FBXO33: variants seen among roughly 807,000 people sequenced by gnomAD.
FBXO33 encodes the protein F-box protein 33.
FBXO33 carries 22 observed loss-of-function variants against 46.3 expected under a neutral mutation model. That is an observed-to-expected ratio of 0.48 (90% confidence interval 0.34 to 0.68). FBXO33 has a LOEUF of 0.68. Ranked by LOEUF, FBXO33 falls within the 30% of genes least tolerant of loss-of-function variation. The pLI, the probability that FBXO33 is intolerant of heterozygous loss-of-function variation, is 0.01. For synonymous variants in FBXO33, 337 were observed against 291.3 expected (o/e 1.16, Z -1.60); for missense variants, 692 against 708.8 (o/e 0.98, Z 0.27).
At chr14:39,400,643 C>A (rs1419503457) in intron 3 of FBXO33, among the ~76,000 whole-genome samples, 1 of 152,034 alleles carries the variant, frequency 6.6e-6, no homozygotes. Flanking sequence ...AATTATCTTA[C>A]AAGTATCCGA....
At chr14:39,418,140 TG>T (rs943365267) in intron 1 of FBXO33, among the ~76,000 whole-genome samples, 1 of 151,838 alleles carries the variant, frequency 6.6e-6, no homozygotes, top group African/African-American at 2.4e-5. Flanking sequence ...CTCTGCTCAC[TG>T]CAAGCTCCGC....
chr14:39,431,887 C>G lies in FBXO33; in HGVS notation c.276G>C (p.Ser92=), dbSNP rs749826202. 395 of 1,563,762 alleles carry G rather than the reference C, an allele frequency of 2.5e-4. No homozygotes were observed. Among genetic ancestry groups the G allele is most frequent in the Middle Eastern group, 3.5e-4 (2 of 5,790 alleles). The part of the protein sequence containing the change: ...FLPAPDRLRA[S]ASCSHWRECL... Reference sequence around the variant, plus strand: ...ACTCACGCCAGTGCGAGCAGGAGGCCGAGGCCCGCAGCCGGTCGGGCGCCG... The same window carrying G: ...ACTCACGCCAGTGCGAGCAGGAGGCGGAGGCCCGCAGCCGGTCGGGCGCCG... Residue 92 remains serine, a synonymous_variant, in exon 1 of 4, where the codon TCG becomes TCC. Transcript: ENST00000298097.
chr14:39,401,854 G>A lies in FBXO33; in HGVS notation c.718C>T (p.Gln240Ter). ...PDGKKIKQIQQLFEEILSNSR... is the reference protein window; with the variant it reads ...PDGKKIKQIQ ...TTACTCAGGATTTCTTCAAACAGTT[G>A]CTGAATTCTATAAGGAAAACACATG... The change falls in exon 3 of 4, where the codon CAA (glutamine) becomes TAA (stop). Residue 240 changes from glutamine (Q) to a stop codon, truncating the protein, a stop_gained. Coordinates refer to ENST00000298097, the MANE Select transcript of FBXO33 (RefSeq NM_203301.4). LOFTEE classifies it high-confidence loss of function. 6.2e-7 allele frequency: 1 copy of A among 1,608,696 alleles called. No individual in the cohort carries two copies. The highest frequency in any genetic ancestry group is 2.2e-5 in the East Asian group (1 of 44,856).
intron 1 of FBXO33, among the ~76,000 whole-genome samples, chr14:39,416,062 C>T (rs754986254): frequency 2.4e-4 from 37 of 152,180 alleles, no homozygotes; most frequent in Admixed American, 4.6e-4. Flanking sequence ...TATATATTCA[C>T]TAGTGAGTTT....
intron 1 of FBXO33, among the ~76,000 whole-genome samples, chr14:39,410,676 G>C (rs2139407969): frequency 6.6e-6 from 1 of 152,148 alleles, no homozygotes; most frequent in African/African-American, 2.4e-5. Flanking sequence ...TTTGGGGGAA[G>C]GTTTTTAATA....
intron 1 of FBXO33, among the ~76,000 whole-genome samples, chr14:39,406,192 A>C (rs1361425276): frequency 6.6e-6 from 1 of 152,152 alleles, no homozygotes; most frequent in African/African-American, 2.4e-5. Flanking sequence ...AAAAAAAATT[A>C]AAGGCTTCTA....
At chr14:39,406,883 G>T (rs2075401356) in intron 1 of FBXO33, among the ~76,000 whole-genome samples, 1 of 152,086 alleles carries the variant, frequency 6.6e-6, no homozygotes, top group Non-Finnish European at 1.5e-5. Flanking sequence ...AGGATTTAGG[G>T]AAAGAACTTA....
Position 39,408,099 on chromosome 14 carries a change from C to T in FBXO33, c.600-5588G>A, listed in dbSNP as rs529051316. 4.6e-5 allele frequency among the ~76,000 whole-genome samples: 7 copies of T among 152,262 alleles called. No homozygotes were observed. The East Asian group carries it at 1.2e-3, about 25-fold the overall frequency. On this transcript the variant is annotated intron_variant, in intron 1 of 3. Transcript: ENST00000298097. ...GGGACTACAGGTGTGCGCCACCATG[C>T]CTGGCTAACTTTTTTTGTATTTTTT...
At chr14:39,416,696 C>T (rs2075450321) in intron 1 of FBXO33, among the ~76,000 whole-genome samples, 1 of 151,904 alleles carries the variant, frequency 6.6e-6, no homozygotes. Flanking sequence ...TTATTGTTTC[C>T]CTTTGTTAAT....
intron 1 of FBXO33, among the ~76,000 whole-genome samples, chr14:39,416,493 T>C (rs2075449379): frequency 6.6e-6 from 1 of 152,178 alleles, no homozygotes; most frequent in Non-Finnish European, 1.5e-5. Flanking sequence ...ATTCCTTATC[T>C]TTGCTTGATT....
intron 1 of FBXO33, among the ~76,000 whole-genome samples, chr14:39,424,966 C>T (rs1238037010): frequency 1.3e-5 from 2 of 151,998 alleles, no homozygotes; most frequent in African/African-American, 2.4e-5. Context: ...GCAGGAGAAT[C>T]GCTTCCACCT....
chr14:39,429,164 T>C (rs2075531053), intron 1 of FBXO33, among the ~76,000 whole-genome samples: 2 of 152,210 alleles, frequency 1.3e-5, no homozygotes, highest in South Asian at 2.1e-4. Context: ...AAGTTTATAC[T>C]TTTAATTATT....
At chr14:39,405,749 C>A (rs1054878613) in intron 1 of FBXO33, among the ~76,000 whole-genome samples, 1 of 151,160 alleles carries the variant, frequency 6.6e-6, no homozygotes, top group Non-Finnish European at 1.5e-5. Flanking sequence ...TATAAAATCA[C>A]CCCACATAAG....
In FBXO33 at chr14:39,399,416, T is replaced by C. The variant is rs1462443740; in HGVS notation, c.*100A>G. 2.3e-5 allele frequency: 25 copies of C among 1,065,536 alleles called. No individual in the cohort carries two copies. In the Middle Eastern group the frequency reaches 1.8e-3, roughly 76 times the overall value. The allele number at this position is 1,065,536 out of a possible 1,614,324, so 66.0% of individuals were successfully genotyped here. On this transcript the variant is annotated 3_prime_UTR_variant, in exon 4 of 4. Coordinates refer to ENST00000298097, the MANE Select transcript of FBXO33 (RefSeq NM_203301.4). Reference sequence around the variant, plus strand: ...TATAATTCTATAAAGCTAATACTGATTAAACACAGCACAAAAGGATTAATT... The same window carrying C: ...TATAATTCTATAAAGCTAATACTGACTAAACACAGCACAAAAGGATTAATT...
intron 1 of FBXO33, among the ~76,000 whole-genome samples, chr14:39,411,432 T>A (rs1046521749): frequency 1.3e-5 from 2 of 152,046 alleles, no homozygotes; most frequent in African/African-American, 4.8e-5. Context: ...TTGCTATAAA[T>A]TTTCCTTTTA....
intron 1 of FBXO33, among the ~76,000 whole-genome samples, chr14:39,415,816 C>T (rs546623439): frequency 6.6e-5 from 10 of 152,130 alleles, no homozygotes; most frequent in African/African-American, 1.9e-4. Context: ...ACAGGTACCC[C>T]CTACCATGCT....
At chr14:39,427,182 T>G (rs140378292) in intron 1 of FBXO33, among the ~76,000 whole-genome samples, 2 of 152,334 alleles carry the variant, frequency 1.3e-5, no homozygotes, top group Non-Finnish European at 2.9e-5. Context: ...TTTTAACTTT[T>G]TTTTCCTTGA....
At chr14:39,416,243 T>G (rs1001186743) in intron 1 of FBXO33, among the ~76,000 whole-genome samples, 5 of 148,764 alleles carry the variant, frequency 3.4e-5, no homozygotes, top group Non-Finnish European at 5.9e-5. Flanking sequence ...GGGTACACTA[T>G]TCTTGGTTGA....
At chr14:39,421,779 A>ACACACACAC (rs1567077919) in intron 1 of FBXO33, among the ~76,000 whole-genome samples, 5 of 65,362 alleles carry the variant, frequency 7.6e-5, no homozygotes, top group Admixed American at 6.0e-4. Context: ...TTGAGTACAA[A>ACACACACAC]TCACACACAC....
Sources: gnomAD v4.1 joint callset for allele counts (sites outside exome capture counted in the v4.1 genomes callset) on GRCh38, gnomAD v4.1.1 for gene constraint, MANE v1.5 for transcripts, NCBI Gene and HGNC (gene_info 2026-07-23, HGNC 2026-07-21) for gene names.